Variants in EPB41L1 observed in about 807,000 individuals in gnomAD.
The protein encoded by EPB41L1 is band 4.1-like protein 1.
A neutral mutation model predicts 97.8 loss-of-function variants in EPB41L1; 29 were observed. The observed-to-expected ratio is 0.30, with a 90% CI of 0.22 to 0.40. The LOEUF is 0.40. Among genes scored for constraint, EPB41L1 ranks in the 10% least tolerant of loss-of-function variants. The probability of loss-of-function intolerance (pLI) is 1.00; values close to 1 mark genes in which losing one functional copy is unlikely to be tolerated. For missense variants in EPB41L1, 812 were observed against 1,162.3 expected, an observed-to-expected ratio of 0.70 and a Z score of 4.38; for synonymous variants, 383 against 459.2, an observed-to-expected ratio of 0.83 and a Z score of 2.12.
Position 36,092,556 on chromosome 20 carries a change from C to T in EPB41L1, c.-65+944C>T, listed in dbSNP as rs1020854419. On this transcript the variant is annotated intron_variant, in intron 1 of 19. Coordinates refer to the EPB41L1 transcript ENST00000202028. The surrounding 1 kb of genome is among the most constrained non-coding windows in gnomAD (Gnocchi z 7.0). ...CCGCCGCTGCTTGCTCGTTCGCCCGCCCGCTGCTGCTTGGGGGGCCGGGAT... is the reference window on the plus strand; with the variant it reads ...CCGCCGCTGCTTGCTCGTTCGCCCGTCCGCTGCTGCTTGGGGGGCCGGGAT... 1 of 151,998 alleles carries T rather than the reference C, an allele frequency of 6.6e-6. No individual in the cohort carries two copies. The highest frequency in any genetic ancestry group is 1.5e-5 in the Non-Finnish European group (1 of 68,102). The allele number at this position is 151,998 out of a possible 1,614,324, so 9.4% of individuals were successfully genotyped here.
chr20:36,206,282 G>A lies in EPB41L1; in HGVS notation c.1669-3206G>A. 1 of 1,289,942 alleles carries A rather than the reference G, an allele frequency of 7.8e-7. No individual in the cohort carries two copies. Among genetic ancestry groups the A allele is most frequent in the African/African-American group, 1.5e-5 (1 of 66,008 alleles). 79.9% of individuals were successfully genotyped at this position (1,289,942 alleles called of 1,614,324 possible). ...CAGCCGGAGGGCCAGACAGAGCTGAGGAAGGGGCTGGAGGAGCCTCACACT... is the reference window on the plus strand; with the variant it reads ...CAGCCGGAGGGCCAGACAGAGCTGAAGAAGGGGCTGGAGGAGCCTCACACT... On this transcript the variant is annotated intron_variant, in intron 14 of 21. Coordinates refer to ENST00000338074, the MANE Select transcript of EPB41L1 (RefSeq NM_012156.2). The surrounding 1 kb of genome is among the most constrained non-coding windows in gnomAD (Gnocchi z 5.5).
intron 1 of EPB41L1, chr20:36,155,474 A>G: frequency 4.9e-6 from 2 of 404,516 alleles, no homozygotes; most frequent in South Asian, 3.6e-5. Flanking sequence ...TCAGAGGGAG[A>G]GGGCTTGTGT....
intron 21 of EPB41L1, 28 bp from the exon 22 acceptor site, chr20:36,229,304 C>G (rs763816832): frequency 3.7e-6 from 6 of 1,603,382 alleles, no homozygotes; most frequent in East Asian, 4.5e-5. Context: ...CCCCACCCCC[C>G]ATTCTACCCC....
intron 7 of EPB41L1, 93 bp downstream of exon 7, chr20:36,185,428 C>T: frequency 4.2e-6 from 5 of 1,197,634 alleles, no homozygotes; most frequent in Non-Finnish European, 4.8e-6. Flanking sequence ...ACATACTGTG[C>T]TGTTTGTACC....
intron 6 of EPB41L1, among the ~76,000 whole-genome samples, chr20:36,184,135 T>A (rs2146186531): frequency 6.6e-6 from 1 of 152,132 alleles, no homozygotes; most frequent in Non-Finnish European, 1.5e-5. Flanking sequence ...CTCAGGAGGC[T>A]GAGACAGGAG....
At chr20:36,205,194 G>A (rs565476997) in intron 14 of EPB41L1, among the ~76,000 whole-genome samples, 2 of 152,302 alleles carry the variant, frequency 1.3e-5, no homozygotes, top group South Asian at 4.1e-4. Flanking sequence ...AGAAAGGTTC[G>A]ATTTCAGGCT....
At chr20:36,210,175 C>A (rs910568554) in intron 15 of EPB41L1, among the ~76,000 whole-genome samples, 1 of 152,188 alleles carries the variant, frequency 6.6e-6, no homozygotes, top group Admixed American at 6.5e-5. Flanking sequence ...ACCCCATGCC[C>A]CCCCACCTGT....
chr20:36,159,491 G>C (rs530545092), intron 1 of EPB41L1, among the ~76,000 whole-genome samples: 2 of 152,300 alleles, frequency 1.3e-5, no homozygotes, highest in African/African-American at 4.8e-5. Flanking sequence ...ACAGAGGTGG[G>C]GCCGGGGCTA....
intron 2 of EPB41L1, among the ~76,000 whole-genome samples, chr20:36,120,928 C>T (rs543804590): frequency 6.1e-4 from 93 of 151,984 alleles, no homozygotes; most frequent in Non-Finnish European, 1.2e-3. Flanking sequence ...TCCACCTTCA[C>T]GAATGGGATT....
chr20:36,185,091 C>G (rs749076422), intron 6 of EPB41L1, 26 bp from the exon 7 acceptor site: 4 of 1,609,520 alleles, frequency 2.5e-6, no homozygotes, highest in Non-Finnish European at 3.4e-6. Flanking sequence ...GGCCCTGTGC[C>G]CATGCTGGCT....
chr20:36,133,128 G>T (rs1600488962), intron 2 of EPB41L1, among the ~76,000 whole-genome samples: 1 of 152,228 alleles, frequency 6.6e-6, no homozygotes, highest in East Asian at 1.9e-4. Context: ...TGTGCCTTTG[G>T]CTCCACTCTG....
chr20:36,153,064 C>T (rs1182746269), upstream of EPB41L1: 1 of 456,718 alleles, frequency 2.2e-6, no homozygotes. Context: ...AGTGAAGGCA[C>T]CGGAAGCTTT....
At chr20:36,189,176 C>G (rs1235977771) in intron 9 of EPB41L1, among the ~76,000 whole-genome samples, 1 of 152,288 alleles carries the variant, frequency 6.6e-6, no homozygotes, top group Admixed American at 6.5e-5. Flanking sequence ...CTCTCCATCA[C>G]ACCCGCCTCC....
chr20:36,207,894 T>G lies in EPB41L1; in HGVS notation c.1669-1594T>G, dbSNP rs1171737037. The G allele has an allele frequency of 1.6e-5, 18 of 1,122,372 alleles. No homozygotes were observed. The highest frequency in any genetic ancestry group is 1.9e-5 in the Non-Finnish European group (17 of 874,992). 69.5% of individuals were successfully genotyped at this position (1,122,372 alleles called of 1,614,324 possible). On this transcript the variant is annotated intron_variant, in intron 14 of 21. Coordinates refer to ENST00000338074, the MANE Select transcript of EPB41L1 (RefSeq NM_012156.2). This position sits in a 1 kb window ranked among gnomAD's most constrained non-coding sequence, Gnocchi z 4.9. ...CAGTGGCCCCTCGTCATTTCTGCAA[T>G]CAGAGGCTGCTTATCCATCCCTGTG... is the stretch of plus-strand genomic sequence containing the variant.
At chr20:36,218,155 A>G (rs1276835771) in intron 17 of EPB41L1, among the ~76,000 whole-genome samples, 1 of 152,214 alleles carries the variant, frequency 6.6e-6, no homozygotes, top group Non-Finnish European at 1.5e-5. Context: ...GAGTCAGACA[A>G]CATGGAGTTA....
At chr20:36,108,171 G>T (rs2058262976) in intron 1 of EPB41L1, among the ~76,000 whole-genome samples, 1 of 151,724 alleles carries the variant, frequency 6.6e-6, no homozygotes, top group African/African-American at 2.4e-5. Flanking sequence ...GTAGAGACAA[G>T]GTCTTGCTAT....
chr20:36,225,074 G>A (rs1256807310), intron 21 of EPB41L1, among the ~76,000 whole-genome samples: 4 of 152,172 alleles, frequency 2.6e-5, no homozygotes, highest in Non-Finnish European at 1.5e-5. Context: ...TGCCCGACTC[G>A]GCCTCCCAAA....
intron 1 of EPB41L1, among the ~76,000 whole-genome samples, chr20:36,167,902 G>C (rs565824387): frequency 6.6e-6 from 1 of 152,218 alleles, no homozygotes; most frequent in African/African-American, 2.4e-5. Context: ...TTAGATTTAG[G>C]CAGTTGCAAT....
intron 2 of EPB41L1, among the ~76,000 whole-genome samples, chr20:36,129,638 T>C (rs2059114692): frequency 6.6e-6 from 1 of 152,214 alleles, no homozygotes; most frequent in Non-Finnish European, 1.5e-5. Context: ...CACTCTGGCC[T>C]GCCCTCATTT....
Sources: allele counts gnomAD v4.1 joint callset (sites outside exome capture counted in the v4.1 genomes callset), GRCh38; gene constraint gnomAD v4.1.1; non-coding constraint Gnocchi (gnomAD v3.1); transcripts MANE v1.5; gene names NCBI Gene and HGNC (gene_info 2026-07-23, HGNC 2026-07-21).